The following NOX4 variants were observed in gnomAD, a reference collection of about 807,000 sequenced individuals.
The protein encoded by NOX4 is kidney oxidase-1.
Under a neutral mutation model 87.6 loss-of-function variants are expected in NOX4, and 69 were observed. That is an observed-to-expected ratio of 0.79 (90% confidence interval 0.65 to 0.96). The LOEUF (loss-of-function observed/expected upper bound fraction) is 0.96. Ranked by LOEUF, NOX4 falls within the 40% of genes least tolerant of loss-of-function variation. NOX4 has a pLI of 0.00. For synonymous variants in NOX4, 275 were observed against 238.2 expected, an observed-to-expected ratio of 1.15 and a Z score of -1.42; for missense variants, 680 against 681.5, an observed-to-expected ratio of 1.00 and a Z score of 0.02.
chr11:89,542,622 C>T, the NOX4 span, among the ~76,000 whole-genome samples: 1 of 152,134 alleles, frequency 6.6e-6, no homozygotes, highest in Non-Finnish European at 1.5e-5. Flanking sequence ...AGAACTAGTC[C>T]ATGTTTCATA....
chr11:89,445,801 G>A (rs767832976), intron 4 of NOX4, among the ~76,000 whole-genome samples: 49 of 152,186 alleles, frequency 3.2e-4, no homozygotes, highest in Non-Finnish European at 4.3e-4. Flanking sequence ...ATGAGCTTGG[G>A]TTTGGTGTTG....
At chr11:89,441,866 A>G (rs1038005416) in intron 5 of NOX4, among the ~76,000 whole-genome samples, 1 of 151,344 alleles carries the variant, frequency 6.6e-6, no homozygotes, top group Non-Finnish European at 1.5e-5. Flanking sequence ...GCAGAGTAAA[A>G]GCATAAAAGA....
At chr11:89,357,125 G>C (rs1036891291) in intron 12 of NOX4, among the ~76,000 whole-genome samples, 5 of 152,166 alleles carry the variant, frequency 3.3e-5, no homozygotes, top group African/African-American at 1.2e-4. Context: ...CAGTCACAAA[G>C]TGGCCAGTGC....
chr11:89,553,173 C>A, the NOX4 span, among the ~76,000 whole-genome samples: 2 of 152,080 alleles, frequency 1.3e-5, no homozygotes, highest in South Asian at 4.1e-4. Flanking sequence ...TTGGCTGTGT[C>A]CCCACCCAAA....
intron 11 of NOX4, among the ~76,000 whole-genome samples, chr11:89,382,606 G>C (rs1445398087): frequency 6.6e-6 from 1 of 151,360 alleles, no homozygotes; most frequent in African/African-American, 2.4e-5. Context: ...CTTTTCTACC[G>C]ACCCATCTGA....
the NOX4 span, among the ~76,000 whole-genome samples, chr11:89,531,281 T>C: frequency 1.3e-5 from 2 of 152,124 alleles, no homozygotes; most frequent in African/African-American, 4.8e-5. Context: ...CCTGAGGCCA[T>C]TGAACTCTCA....
intron 7 of NOX4, among the ~76,000 whole-genome samples, chr11:89,426,340 G>A (rs1230272346): frequency 1.3e-5 from 2 of 152,186 alleles, no homozygotes; most frequent in African/African-American, 2.4e-5. Flanking sequence ...CTGAGGTACT[G>A]GGTTCATCTC....
At chr11:89,359,930 T>G (rs1938388100) in intron 12 of NOX4, among the ~76,000 whole-genome samples, 2 of 152,146 alleles carry the variant, frequency 1.3e-5, no homozygotes, top group Admixed American at 1.3e-4. Context: ...TTTCTGTTAA[T>G]GCTCACATTA....
the NOX4 span, among the ~76,000 whole-genome samples, chr11:89,571,691 G>GA: frequency 0.46 from 65,949 of 144,720 alleles, 14,760 homozygotes; most frequent in East Asian, 0.55. Flanking sequence ...TTACTTTTGT[G>GA]AAAAAAAAAA....
the NOX4 span, among the ~76,000 whole-genome samples, chr11:89,518,507 T>A: frequency 2.6e-5 from 4 of 152,074 alleles, no homozygotes; most frequent in Non-Finnish European, 4.4e-5. Context: ...TTCCTATTTT[T>A]AAAAATGATC....
At chr11:89,526,155 T>A in the NOX4 span, among the ~76,000 whole-genome samples, 4 of 152,332 alleles carry the variant, frequency 2.6e-5, no homozygotes, top group Admixed American at 6.5e-5. Flanking sequence ...CTTTTCTTTT[T>A]AAAATTTTTT....
At chr11:89,525,896 T>G in the NOX4 span, among the ~76,000 whole-genome samples, 6 of 152,150 alleles carry the variant, frequency 3.9e-5, no homozygotes, top group Non-Finnish European at 4.4e-5. Context: ...CTGTATTGTA[T>G]GAGGTCAAGA....
At chr11:89,485,548 A>C (rs2135482570) in intron 2 of NOX4, among the ~76,000 whole-genome samples, 1 of 152,256 alleles carries the variant, frequency 6.6e-6, no homozygotes, top group South Asian at 2.1e-4. Context: ...ACATGAATTC[A>C]AGAGCTCCTA....
intron 12 of NOX4, among the ~76,000 whole-genome samples, chr11:89,356,386 A>T (rs139546267): frequency 0.014 from 2,090 of 151,092 alleles, 41 homozygotes; most frequent in African/African-American, 0.047. Context: ...ATTCATAATG[A>T]AGAAAAGAGA....
At chr11:89,533,060 GAACT>G in the NOX4 span, among the ~76,000 whole-genome samples, 10 of 152,082 alleles carry the variant, frequency 6.6e-5, no homozygotes, top group Non-Finnish European at 1.5e-5. Flanking sequence ...ATGTGAAAAT[GAACT>G]AATACAGACA....
At chr11:89,407,998 T>G in intron 8 of NOX4, among the ~76,000 whole-genome samples, 1 of 152,240 alleles carries the variant, frequency 6.6e-6, no homozygotes, top group East Asian at 1.9e-4. Flanking sequence ...TTTTTTTCTT[T>G]ATGGTAAAAA....
At chr11:89,559,702 T>A in the NOX4 span, among the ~76,000 whole-genome samples, 16 of 152,176 alleles carry the variant, frequency 1.1e-4, no homozygotes, top group Non-Finnish European at 2.1e-4. Flanking sequence ...ATTATGTTTA[T>A]ATATTTAATT....
chr11:89,497,443 A>G (rs1422732789), intron 1 of NOX4, among the ~76,000 whole-genome samples: 2 of 152,138 alleles, frequency 1.3e-5, no homozygotes, highest in African/African-American at 4.8e-5. Flanking sequence ...AGAAAATCTT[A>G]AACTCAAACT....
intron 11 of NOX4, among the ~76,000 whole-genome samples, chr11:89,386,427 A>G (rs1940705647): frequency 6.6e-6 from 1 of 152,106 alleles, no homozygotes; most frequent in South Asian, 2.1e-4. Flanking sequence ...CTTAAAGAGG[A>G]TAGATGATCT....
Sources: allele counts gnomAD v4.1 joint callset (sites outside exome capture counted in the v4.1 genomes callset), GRCh38; gene constraint gnomAD v4.1.1; transcripts MANE v1.5; gene names NCBI Gene and HGNC (gene_info 2026-07-23, HGNC 2026-07-21).